The following TRMT9B variants were observed in gnomAD, a reference collection of about 807,000 sequenced individuals.
TRMT9B encodes the protein tRNA methyltransferase 9B (putative).
TRMT9B carries 16 observed loss-of-function variants against 11.5 expected under a neutral mutation model. The observed-to-expected ratio is 1.39, with a 90% confidence interval of 0.94 to 2.11. The LOEUF is 2.11. TRMT9B is among the 30% of genes most tolerant of loss of function. TRMT9B has a pLI of 0.00. For synonymous variants in TRMT9B, 274 were observed against 192.4 expected, an observed-to-expected ratio of 1.42 and a Z score of -3.51; for missense variants, 941 against 553.8, an observed-to-expected ratio of 1.70 and a Z score of -7.02.
Position 12,945,976 on chromosome 8 carries a change from G to A in TRMT9B, c.-200+10G>A, listed in dbSNP as rs1800245432. On this transcript the variant is annotated intron_variant, in intron 1 of 4. Coordinates refer to ENST00000524591, the MANE Select transcript of TRMT9B (RefSeq NM_020844.3). The stretch of plus-strand genomic sequence containing the variant: ...GCAGTCTTCCTTCAAGGTATGTGTT[G>A]CAATTTGGGGTTGCACATTTTAGTT... 1 of 152,102 alleles carries A rather than the reference G, an allele frequency of 6.6e-6. No individual in the cohort carries two copies. The highest frequency in any genetic ancestry group is 1.5e-5 in the Non-Finnish European group (1 of 68,010). The allele number at this position is 152,102 out of a possible 1,614,324, so 9.4% of individuals were successfully genotyped here.
intron 3 of TRMT9B, chr8:13,010,149 A>AG: frequency 9.8e-6 from 7 of 717,598 alleles, no homozygotes; most frequent in Non-Finnish European, 1.2e-5. Context: ...AAAAAAAAAA[A>AG]AAAGTCTCAC....
At chr8:13,010,047 A>C (rs1211128163) in intron 3 of TRMT9B, among the ~76,000 whole-genome samples, 3 of 151,848 alleles carry the variant, frequency 2.0e-5, no homozygotes, top group Non-Finnish European at 2.9e-5. Context: ...CTGAGGTAGG[A>C]GGACAGATTG....
At chr8:12,975,173 T>C (rs1463997028) in intron 1 of TRMT9B, among the ~76,000 whole-genome samples, 2 of 152,072 alleles carry the variant, frequency 1.3e-5, no homozygotes, top group Non-Finnish European at 2.9e-5. Flanking sequence ...GTTTGTATTA[T>C]AGAAGTACAG....
chr8:12,956,496 A>G (rs542878643), intron 1 of TRMT9B, among the ~76,000 whole-genome samples: 2 of 152,312 alleles, frequency 1.3e-5, no homozygotes, highest in Admixed American at 6.5e-5. Context: ...GAATGAAAAT[A>G]ATGTTTCTTA....
Position 13,021,115 on chromosome 8 carries a change from C to G in TRMT9B, c.436C>G (p.Gln146Glu), listed in dbSNP as rs368503127. The change falls in exon 5 of 5, where the codon CAA (glutamine) becomes GAA (glutamate). Residue 146 changes from glutamine (Q) to glutamate (E), a missense_variant. Physicochemically the swap from Gln to Glu is conservative, Grantham distance 29. Coordinates refer to ENST00000524591, the MANE Select transcript of TRMT9B (RefSeq NM_020844.3). ...GATGATTTACGTTTGGGCAATGGAA[C>G]AAAAGAACCGTCACTTTGAGAAGCA... ...QLMIYVWAMEQKNRHFEKQDV... is the reference protein window; with the variant it reads ...QLMIYVWAMEEKNRHFEKQDV... 1.2e-6 allele frequency: 2 copies of G among 1,612,544 alleles called. No individual in the cohort carries two copies. The highest frequency in any genetic ancestry group is 1.1e-5 in the South Asian group (1 of 90,946).
At chr8:12,988,579 G>A (rs1336649427) in intron 1 of TRMT9B, among the ~76,000 whole-genome samples, 1 of 152,012 alleles carries the variant, frequency 6.6e-6, no homozygotes, top group Non-Finnish European at 1.5e-5. Context: ...TTCACATGGC[G>A]GCAGCAAGGA....
intron 2 of TRMT9B, among the ~76,000 whole-genome samples, chr8:13,001,402 C>T (rs570428954): frequency 1.3e-5 from 2 of 152,286 alleles, no homozygotes; most frequent in East Asian, 1.9e-4. Context: ...AACTCTGATG[C>T]GCATCCTTCT....
chr8:12,982,285 G>T (rs965575555), intron 1 of TRMT9B, among the ~76,000 whole-genome samples: 2 of 152,288 alleles, frequency 1.3e-5, no homozygotes, highest in East Asian at 3.9e-4. Flanking sequence ...GGATATGATG[G>T]AGCTGGAATC....
chr8:13,015,649 C>G (rs983782038), intron 4 of TRMT9B, among the ~76,000 whole-genome samples: 5 of 152,170 alleles, frequency 3.3e-5, no homozygotes, highest in African/African-American at 7.2e-5. Flanking sequence ...CTACCACGCC[C>G]AGGCTAAATT....
At chr8:13,001,930 T>C (rs1463732807) in intron 2 of TRMT9B, among the ~76,000 whole-genome samples, 1 of 152,182 alleles carries the variant, frequency 6.6e-6, no homozygotes, top group Non-Finnish European at 1.5e-5. Context: ...ACTAGTCTTA[T>C]TAGCTTAGTC....
chr8:13,019,795 G>T (rs909406170), intron 4 of TRMT9B, among the ~76,000 whole-genome samples: 1 of 152,202 alleles, frequency 6.6e-6, no homozygotes, highest in Non-Finnish European at 1.5e-5. Context: ...CAGGAGGGTA[G>T]AGTGATTGTT....
chr8:13,009,834 T>A (rs938787556), intron 3 of TRMT9B, among the ~76,000 whole-genome samples: 1 of 152,114 alleles, frequency 6.6e-6, no homozygotes, highest in Non-Finnish European at 1.5e-5. Flanking sequence ...CGCTACAAAT[T>A]ACACTACAGA....
intron 2 of TRMT9B, among the ~76,000 whole-genome samples, chr8:13,003,394 C>G (rs1280594457): frequency 6.6e-6 from 1 of 152,162 alleles, no homozygotes; most frequent in African/African-American, 2.4e-5. Context: ...GCTTTTCTTA[C>G]TCCTTCCCTG....
At chr8:13,004,434 G>A (rs1810040100) in intron 2 of TRMT9B, among the ~76,000 whole-genome samples, 1 of 151,498 alleles carries the variant, frequency 6.6e-6, no homozygotes, top group South Asian at 2.1e-4. Context: ...AGAGGAGAGG[G>A]AAGAATAAAG....
chr8:12,947,052 C>T (rs376106355), intron 1 of TRMT9B, among the ~76,000 whole-genome samples: 23 of 152,332 alleles, frequency 1.5e-4, no homozygotes, highest in African/African-American at 5.5e-4. Context: ...ATGACAAAGA[C>T]AGCTCTTGGT....
At chr8:13,004,373 C>A (rs1466790214) in intron 2 of TRMT9B, among the ~76,000 whole-genome samples, 1 of 151,756 alleles carries the variant, frequency 6.6e-6, no homozygotes, top group African/African-American at 2.4e-5. Context: ...CCGCTCCCAA[C>A]CCAGGCTGCA....
chr8:12,955,540 C>T (rs1043743922), intron 1 of TRMT9B, among the ~76,000 whole-genome samples: 3 of 152,246 alleles, frequency 2.0e-5, no homozygotes, highest in East Asian at 3.9e-4. Flanking sequence ...TTTGGGTAGT[C>T]CTGCAAGGTG....
chr8:13,007,729 A>T (rs1585335742), intron 3 of TRMT9B: 1 of 152,238 alleles, frequency 6.6e-6, no homozygotes, highest in East Asian at 1.9e-4. Context: ...AGGATCTTAA[A>T]ATCAGTGGGG....
At chr8:12,986,217 T>A (rs1377418085) in intron 1 of TRMT9B, among the ~76,000 whole-genome samples, 2 of 152,206 alleles carry the variant, frequency 1.3e-5, no homozygotes, top group Non-Finnish European at 2.9e-5. Context: ...GAGTTTGTTG[T>A]CCTTCAGTTA....
Sources: gnomAD v4.1 joint callset for allele counts (sites outside exome capture counted in the v4.1 genomes callset) on GRCh38, gnomAD v4.1.1 for gene constraint, MANE v1.5 for transcripts, NCBI Gene and HGNC (gene_info 2026-07-23, HGNC 2026-07-21) for gene names.